Variants in KIAA1328 observed in about 807,000 individuals in gnomAD.
KIAA1328 encodes the protein KIAA1328, also known as protein hinderin.
Under a neutral mutation model 68.1 loss-of-function variants are expected in KIAA1328, and 52 were observed. That is an observed-to-expected ratio of 0.76 (90% CI 0.61 to 0.96). The LOEUF (loss-of-function observed/expected upper bound fraction) is 0.96. KIAA1328 is among the 40% of genes least tolerant of loss of function. The probability of loss-of-function intolerance (pLI) is 0.00; values close to 1 mark genes in which losing one functional copy is unlikely to be tolerated. For synonymous variants in KIAA1328, 232 were observed against 239.4 expected (o/e 0.97, Z 0.28); for missense variants, 641 against 677.6 (o/e 0.95, Z 0.60).
rs557386518 is a variant in KIAA1328, at chr18:37,222,960, A to G, written c.*733A>G. On this transcript the variant is annotated 3_prime_UTR_variant, in exon 10 of 10. Transcript: ENST00000280020. ...ACAAGCCTGAAGCACTCTTCTACCA[A>G]TGTTTGGGTGACCACCCCTCCAATA... 323 of 985,422 alleles carry G rather than the reference A, an allele frequency of 3.3e-4. 1 individual carries two copies. The African/African-American group carries it at 4.3e-3, about 13-fold the overall frequency. 61.0% of individuals were successfully genotyped at this position (985,422 alleles called of 1,614,324 possible).
intron 7 of KIAA1328, among the ~76,000 whole-genome samples, chr18:37,152,742 G>C (rs1019323266): frequency 2.0e-5 from 3 of 152,142 alleles, no homozygotes; most frequent in Non-Finnish European, 2.9e-5. Context: ...AGTAATTATG[G>C]TACAGGGCTA....
intron 5 of KIAA1328, among the ~76,000 whole-genome samples, chr18:36,886,772 T>G (rs536261171): frequency 4.6e-5 from 7 of 152,306 alleles, no homozygotes; most frequent in Admixed American, 2.0e-4. Context: ...TTAACTTGAT[T>G]GTTAATAATT....
chr18:37,145,342 A>G (rs2058872833), intron 7 of KIAA1328, among the ~76,000 whole-genome samples: 2 of 152,162 alleles, frequency 1.3e-5, no homozygotes, highest in South Asian at 4.1e-4. Context: ...TTCTTTAGAA[A>G]TGTATTGAAC....
intron 6 of KIAA1328, among the ~76,000 whole-genome samples, chr18:37,042,740 C>T (rs143222521): frequency 2.9e-4 from 43 of 149,874 alleles, no homozygotes; most frequent in African/African-American, 1.0e-3. Context: ...ATCCTACTTA[C>T]AATTTGTTGA....
intron 6 of KIAA1328, among the ~76,000 whole-genome samples, chr18:36,997,357 T>G (rs1018262985): frequency 2.6e-5 from 4 of 152,184 alleles, no homozygotes; most frequent in African/African-American, 7.2e-5. Flanking sequence ...TACAGCTAGC[T>G]TCTATGATTT....
rs931230471 is a variant in KIAA1328 at position 37,067,563 on chromosome 18, T to C, written c.1232+18T>C. ...TACAATTGGTGAGTACTGCCTGTTCTTTTTTTTTTTTTTTTGAGACGAAAT... is the reference window on the plus strand; with the variant it reads ...TACAATTGGTGAGTACTGCCTGTTCCTTTTTTTTTTTTTTTGAGACGAAAT... On this transcript the variant is annotated intron_variant, in intron 7 of 9. Coordinates refer to ENST00000280020, the MANE Select transcript of KIAA1328 (RefSeq NM_020776.3). 6 of 120,296 alleles carry C rather than the reference T, an allele frequency of 5.0e-5. No homozygotes were observed. Among genetic ancestry groups the C allele is most frequent in the Non-Finnish European group, 7.0e-5 (6 of 86,036 alleles). The allele number at this position is 120,296 out of a possible 1,614,324, so 7.5% of individuals were successfully genotyped here.
At chr18:37,077,924 A>G (rs974863861) in intron 7 of KIAA1328, among the ~76,000 whole-genome samples, 17 of 152,128 alleles carry the variant, frequency 1.1e-4, no homozygotes, top group Admixed American at 5.9e-4. Flanking sequence ...TATAGATTCA[A>G]TGCCATTCCC....
intron 5 of KIAA1328, among the ~76,000 whole-genome samples, chr18:36,950,597 A>G (rs919390904): frequency 2.0e-5 from 3 of 152,232 alleles, no homozygotes; most frequent in African/African-American, 4.8e-5. Context: ...AAGAGGTGAC[A>G]TAAAAATTAA....
intron 8 of KIAA1328, among the ~76,000 whole-genome samples, chr18:37,166,225 A>G (rs2059386733): frequency 6.6e-6 from 1 of 152,112 alleles, no homozygotes; most frequent in South Asian, 2.1e-4. Context: ...ACTCTGGAGG[A>G]TAGTGAAAGA....
chr18:36,953,849 T>C (rs2051277038), intron 5 of KIAA1328, among the ~76,000 whole-genome samples: 1 of 152,172 alleles, frequency 6.6e-6, no homozygotes, highest in Admixed American at 6.5e-5. Context: ...TTGTGCTTCA[T>C]GGGTTGCATT....
chr18:37,120,847 A>T (rs2058250474), intron 7 of KIAA1328, among the ~76,000 whole-genome samples: 1 of 152,186 alleles, frequency 6.6e-6, no homozygotes, highest in Non-Finnish European at 1.5e-5. Context: ...AAGTTTGAAG[A>T]GTTTCTAGAG....
intron 6 of KIAA1328, among the ~76,000 whole-genome samples, chr18:37,008,367 C>T (rs1293924107): frequency 2.6e-5 from 4 of 152,210 alleles, no homozygotes; most frequent in South Asian, 4.1e-4. Context: ...TGAGAAAGAA[C>T]TCGTGGTGTA....
chr18:37,196,504 G>A (rs1048487145), intron 9 of KIAA1328, among the ~76,000 whole-genome samples: 1 of 152,006 alleles, frequency 6.6e-6, no homozygotes, highest in Non-Finnish European at 1.5e-5. Flanking sequence ...AAGAAATGTT[G>A]AATTTTATTG....
At chr18:36,960,000 A>G (rs1401777230) in intron 6 of KIAA1328, among the ~76,000 whole-genome samples, 4 of 152,206 alleles carry the variant, frequency 2.6e-5, no homozygotes, top group African/African-American at 9.6e-5. Context: ...GCCAGATGTG[A>G]TGTGAAATAA....
chr18:37,126,871 A>C (rs2058404251), intron 7 of KIAA1328, among the ~76,000 whole-genome samples: 1 of 152,158 alleles, frequency 6.6e-6, no homozygotes, highest in African/African-American at 2.4e-5. Flanking sequence ...CAAATGCAAA[A>C]AGTTGACATC....
rs149483695 is a variant in KIAA1328, at chr18:36,920,065, C to T, written c.448+34393C>T. Among the ~76,000 whole-genome samples the T allele has an allele frequency of 7.5e-3, 1,135 of 152,128 alleles. 53 individuals are homozygous for T. The highest frequency in any genetic ancestry group is 0.069 in the Admixed American group (1,058 of 15,254). ...TAGTTTCTTTTGCTGGGCAGTGGTC[C>T]CACTTGTCAATTTTTGTTTTTGTTG... On this transcript the variant is annotated intron_variant, in intron 5 of 9. Coordinates refer to ENST00000280020, the MANE Select transcript of KIAA1328 (RefSeq NM_020776.3).
At chr18:36,865,418 A>T (rs540594284) in intron 4 of KIAA1328, among the ~76,000 whole-genome samples, 1 of 152,136 alleles carries the variant, frequency 6.6e-6, no homozygotes, top group African/African-American at 2.4e-5. Context: ...ATAGAGAATA[A>T]CTTTTAAAAT....
intron 7 of KIAA1328, among the ~76,000 whole-genome samples, chr18:37,069,982 C>T (rs143026177): frequency 1.3e-5 from 2 of 152,222 alleles, no homozygotes; most frequent in African/African-American, 4.8e-5. Context: ...CTTCTCGGCA[C>T]TGATTCAGCT....
chr18:37,186,357 G>C (rs1317028415), intron 9 of KIAA1328, among the ~76,000 whole-genome samples: 1 of 151,782 alleles, frequency 6.6e-6, no homozygotes, highest in African/African-American at 2.4e-5. Context: ...CTTGAGCTCA[G>C]GAGTTTGAGA....
Sources: allele counts gnomAD v4.1 joint callset (sites outside exome capture counted in the v4.1 genomes callset), GRCh38; gene constraint gnomAD v4.1.1; transcripts MANE v1.5; gene names NCBI Gene and HGNC (gene_info 2026-07-23, HGNC 2026-07-21).